SGCZ: variants seen among roughly 807,000 people sequenced by gnomAD.
The protein encoded by SGCZ is sarcoglycan zeta.
A neutral mutation model predicts 41.3 loss-of-function variants in SGCZ; 40 were observed. The ratio of observed to expected loss-of-function variants is 0.97; its 90% confidence interval spans 0.75 to 1.26. SGCZ has a LOEUF of 1.26. Among genes scored for constraint, SGCZ ranks in the 50% most tolerant of loss-of-function variants. The pLI is 0.00. For synonymous variants in SGCZ, 206 were observed against 137.5 expected (o/e 1.50, Z -3.49); for missense variants, 552 against 369.8 (o/e 1.49, Z -4.04).
At position 14,140,898 on chromosome 8, in the gene SGCZ, A is replaced by G. The variant is rs537809136; in HGVS notation, c.547+23682T>C. On this transcript the variant is annotated intron_variant, in intron 5 of 7. Coordinates refer to ENST00000382080, the MANE Select transcript of SGCZ (RefSeq NM_139167.4). ...AAGCAAAAAGAACAACACTGGAGGCATAATGCTACCTGACTTCAAACTATA... is the reference window on the plus strand; with the variant it reads ...AAGCAAAAAGAACAACACTGGAGGCGTAATGCTACCTGACTTCAAACTATA... 1.8e-4 allele frequency among the ~76,000 whole-genome samples: 27 copies of G among 152,338 alleles called. No individual in the cohort carries two copies. In the Middle Eastern group the frequency reaches 0.01, roughly 58 times the overall value.
intron 1 of SGCZ, among the ~76,000 whole-genome samples, chr8:15,157,028 T>G (rs541494171): frequency 2.0e-5 from 3 of 151,712 alleles, no homozygotes; most frequent in East Asian, 3.9e-4. Context: ...GTTTCTTTTC[T>G]CTGGGAATCT....
At chr8:15,104,984 A>T (rs1342549896) in intron 1 of SGCZ, among the ~76,000 whole-genome samples, 1 of 152,134 alleles carries the variant, frequency 6.6e-6, no homozygotes. Context: ...GGTTTGTATA[A>T]CTCTTTCCTT....
intron 1 of SGCZ, among the ~76,000 whole-genome samples, chr8:14,760,122 C>A (rs1362352811): frequency 6.6e-6 from 1 of 152,132 alleles, no homozygotes; most frequent in African/African-American, 2.4e-5. Flanking sequence ...CACAGTTATG[C>A]GTTTCAACAT....
chr8:14,522,377 A>C (rs913150676), intron 2 of SGCZ, among the ~76,000 whole-genome samples: 22 of 151,982 alleles, frequency 1.4e-4, no homozygotes, highest in African/African-American at 4.6e-4. Context: ...TGGACAAGAT[A>C]TTTTATTGGT....
chr8:14,338,064 A>T (rs1467617380), intron 2 of SGCZ, among the ~76,000 whole-genome samples: 1 of 152,210 alleles, frequency 6.6e-6, no homozygotes, highest in East Asian at 1.9e-4. Flanking sequence ...TCAAGGATGG[A>T]TGCACAGGAG....
At chr8:14,463,401 G>A (rs1403669789) in intron 2 of SGCZ, among the ~76,000 whole-genome samples, 3 of 130,000 alleles carry the variant, frequency 2.3e-5, no homozygotes, top group Non-Finnish European at 5.0e-5. Flanking sequence ...TTTAACAAGT[G>A]GTGTAAAAAA....
At chr8:15,159,151 T>A (rs1246752216) in intron 1 of SGCZ, among the ~76,000 whole-genome samples, 2 of 152,090 alleles carry the variant, frequency 1.3e-5, no homozygotes, top group Non-Finnish European at 2.9e-5. Flanking sequence ...CAGTCATGCC[T>A]AGGTAATGAG....
chr8:14,104,873 A>G (rs1802153517), intron 6 of SGCZ, among the ~76,000 whole-genome samples: 1 of 152,130 alleles, frequency 6.6e-6, no homozygotes, highest in Admixed American at 6.5e-5. Flanking sequence ...TATATGATTA[A>G]TCTGCACTTG....
chr8:14,399,520 A>G lies in SGCZ; in HGVS notation c.235-75316T>C, dbSNP rs1799013018. ...TTTCTCGCTTCACAGATGATTTGTT[A>G]AAGAAAAAAAAGTCCCAGTCTTTCT... On this transcript the variant is annotated intron_variant, in intron 2 of 7. Coordinates refer to ENST00000382080, the MANE Select transcript of SGCZ (RefSeq NM_139167.4). Among the ~76,000 whole-genome samples, 3 of 151,884 alleles carry G rather than the reference A, an allele frequency of 2.0e-5. 1 individual carries two copies. The highest frequency in any genetic ancestry group is 7.3e-5 in the African/African-American group (3 of 41,208).
At chr8:14,551,466 ATATATATTATATATTATATATAT>A (rs1803813856) in intron 2 of SGCZ, among the ~76,000 whole-genome samples, 1 of 6,558 alleles carries the variant, frequency 1.5e-4, no homozygotes, top group Non-Finnish European at 3.4e-4. Flanking sequence ...TATATATATT[ATATATATTATATATTATATATAT>A]TATATATATT....
rs142422171 is a variant in SGCZ at position 15,237,658 on chromosome 8, C to A, written c.-35G>T. On this transcript the variant is annotated 5_prime_UTR_variant, in exon 1 of 8. Transcript: ENST00000382080. ...CTAAACGAAGTGGAGAGGAACCGGG[C>A]GAGTGGCACCCAAAAACAATCTAGT... The A allele has an allele frequency of 9.5e-4, 1,489 of 1,567,628 alleles. 11 individuals are homozygous for A. The African/African-American group carries it at 0.018, about 19-fold the overall frequency.
intron 1 of SGCZ, among the ~76,000 whole-genome samples, chr8:15,069,037 T>C (rs1021390041): frequency 1.3e-5 from 2 of 152,212 alleles, no homozygotes; most frequent in African/African-American, 4.8e-5. Context: ...AACGGGCTAC[T>C]GCTGAAGTTA....
chr8:14,774,828 G>C (rs1373056126), intron 1 of SGCZ, among the ~76,000 whole-genome samples: 1 of 152,058 alleles, frequency 6.6e-6, no homozygotes, highest in African/African-American at 2.4e-5. Context: ...TATCCTAGCT[G>C]TTTTGCTTCC....
At chr8:14,225,389 T>C (rs976023698) in intron 4 of SGCZ, among the ~76,000 whole-genome samples, 3 of 152,112 alleles carry the variant, frequency 2.0e-5, no homozygotes, top group Admixed American at 6.6e-5. Flanking sequence ...ATATGAAATA[T>C]TAGTGTTGAA....
chr8:15,122,127 C>G (rs538061438), intron 1 of SGCZ, among the ~76,000 whole-genome samples: 5 of 151,778 alleles, frequency 3.3e-5, no homozygotes, highest in South Asian at 4.1e-4. Context: ...GACACCCCCC[C>G]ACCCCTCCAA....
intron 2 of SGCZ, among the ~76,000 whole-genome samples, chr8:14,394,382 C>A (rs1804904710): frequency 6.6e-6 from 1 of 152,036 alleles, no homozygotes; most frequent in African/African-American, 2.4e-5. Flanking sequence ...ATCTCCTGAC[C>A]TCGTGATCCA....
At chr8:14,951,632 T>G (rs546838106) in intron 1 of SGCZ, among the ~76,000 whole-genome samples, 1 of 152,062 alleles carries the variant, frequency 6.6e-6, no homozygotes, top group Non-Finnish European at 1.5e-5. Flanking sequence ...ATTACCAGCA[T>G]ATACTATGAC....
At chr8:14,381,943 T>G (rs1804382019) in intron 2 of SGCZ, among the ~76,000 whole-genome samples, 1 of 152,350 alleles carries the variant, frequency 6.6e-6, no homozygotes, top group African/African-American at 2.4e-5. Context: ...TTCACCAGCC[T>G]TCTCAGCTTA....
chr8:14,110,940 G>C lies in SGCZ; in HGVS notation c.548-2705C>G, dbSNP rs549648846. 3.3e-4 allele frequency among the ~76,000 whole-genome samples: 50 copies of C among 152,124 alleles called. 1 individual carries two copies. The South Asian group carries it at 0.01, about 32-fold the overall frequency. On this transcript the variant is annotated intron_variant, in intron 5 of 7. Coordinates refer to ENST00000382080, the MANE Select transcript of SGCZ (RefSeq NM_139167.4). ...GGCATGGTGGTGCACAGTAGTCCCA[G>C]CTGCTTGGGAGGCTGAGGCAGGAGA... is the stretch of plus-strand genomic sequence containing the variant.
Sources: gnomAD v4.1 joint callset for allele counts (sites outside exome capture counted in the v4.1 genomes callset) on GRCh38, gnomAD v4.1.1 for gene constraint, MANE v1.5 for transcripts, NCBI Gene and HGNC (gene_info 2026-07-23, HGNC 2026-07-21) for gene names.